Variants in GRID2 observed in about 807,000 individuals in gnomAD.
The protein encoded by GRID2 is glutamate ionotropic receptor delta type subunit 2.
GRID2 carries 33 observed loss-of-function variants against 114.8 expected under a neutral mutation model. The observed-to-expected ratio is 0.29, with a 90% confidence interval of 0.22 to 0.38. The LOEUF (loss-of-function observed/expected upper bound fraction) is 0.38, where lower values mean the gene tolerates loss of function less well. Among genes scored for constraint, GRID2 ranks in the 10% least tolerant of loss-of-function variants. The pLI is 1.00. For synonymous variants in GRID2, 505 were observed against 449.9 expected, an observed-to-expected ratio of 1.12 and a Z score of -1.55; for missense variants, 1,184 against 1,257.7, an observed-to-expected ratio of 0.94 and a Z score of 0.89.
chr4:93,402,257 A>C (rs2149340109), intron 9 of GRID2, among the ~76,000 whole-genome samples: 1 of 152,262 alleles, frequency 6.6e-6, no homozygotes. Flanking sequence ...GTATCGTACT[A>C]GTTTTTCTGC....
At chr4:92,499,507 G>T (rs774689484) in intron 1 of GRID2, among the ~76,000 whole-genome samples, 2 of 152,092 alleles carry the variant, frequency 1.3e-5, no homozygotes, top group Non-Finnish European at 2.9e-5. Context: ...TCTATATTTA[G>T]AATTATTATT....
chr4:93,707,880 T>C (rs1560929430), intron 14 of GRID2, among the ~76,000 whole-genome samples: 2 of 151,998 alleles, frequency 1.3e-5, no homozygotes. Context: ...GGTTTTGGTA[T>C]GTTTTGTTTC....
At position 92,652,599 on chromosome 4, in the gene GRID2, T is replaced by C. The variant is rs916772901; in HGVS notation, c.244+62313T>C. On this transcript the variant is annotated intron_variant, in intron 2 of 15. Transcript: ENST00000282020. ...CAGGAGGCTGAAGCAAGAGGATTGCTTGAGCCTGGAAAGTTGAGGCTGCAG... is the reference window on the plus strand; with the variant it reads ...CAGGAGGCTGAAGCAAGAGGATTGCCTGAGCCTGGAAAGTTGAGGCTGCAG... 1.9e-4 allele frequency among the ~76,000 whole-genome samples: 28 copies of C among 149,840 alleles called. 1 individual carries two copies. The highest frequency in any genetic ancestry group is 6.1e-4 in the African/African-American group (25 of 41,000).
chr4:92,645,326 C>G (rs1399813633), intron 2 of GRID2, among the ~76,000 whole-genome samples: 1 of 151,628 alleles, frequency 6.6e-6, no homozygotes, highest in Non-Finnish European at 1.5e-5. Context: ...TGCATCACTG[C>G]AATGGTGTTT....
In GRID2 at chr4:93,173,901, G is replaced by A. The variant is rs555083238; in HGVS notation, c.736-33503G>A. Among the ~76,000 whole-genome samples the A allele has an allele frequency of 2.0e-5, 3 of 152,246 alleles. No individual in the cohort carries two copies. In the East Asian group the frequency reaches 5.8e-4, roughly 29 times the overall value. Reference sequence around the variant, plus strand: ...CTGCCTTGGTGCGCTGGGATTACAAGTGTTGAGCCACTGCAACCAGCCTGG... The same window carrying A: ...CTGCCTTGGTGCGCTGGGATTACAAATGTTGAGCCACTGCAACCAGCCTGG... On this transcript the variant is annotated intron_variant, in intron 4 of 15. Transcript: ENST00000282020.
At chr4:92,861,267 G>A (rs1017421568) in intron 2 of GRID2, among the ~76,000 whole-genome samples, 3 of 152,080 alleles carry the variant, frequency 2.0e-5, no homozygotes, top group African/African-American at 7.2e-5. Context: ...GACTTTTAAA[G>A]GATGGTAATA....
intron 14 of GRID2, among the ~76,000 whole-genome samples, chr4:93,671,731 G>C (rs1012192607): frequency 6.6e-6 from 1 of 152,106 alleles, no homozygotes; most frequent in Non-Finnish European, 1.5e-5. Flanking sequence ...AACTTTGGGA[G>C]ACTGAGGTGG....
At chr4:92,468,248 A>T (rs2149093458) in intron 1 of GRID2, among the ~76,000 whole-genome samples, 1 of 152,052 alleles carries the variant, frequency 6.6e-6, no homozygotes, top group Admixed American at 6.6e-5. Context: ...TTCCATAATA[A>T]CCACCCTGAC....
At chr4:93,401,456 A>G (rs1375714739) in intron 9 of GRID2, among the ~76,000 whole-genome samples, 1 of 152,166 alleles carries the variant, frequency 6.6e-6, no homozygotes, top group Non-Finnish European at 1.5e-5. Context: ...ATAGTTGCAC[A>G]TCTTACAATA....
intron 12 of GRID2, among the ~76,000 whole-genome samples, chr4:93,513,388 T>C (rs908952787): frequency 6.6e-6 from 1 of 152,210 alleles, no homozygotes; most frequent in Non-Finnish European, 1.5e-5. Context: ...AGTAAATTGC[T>C]CTCTTGAAAC....
At chr4:92,519,052 T>C (rs1015583054) in intron 1 of GRID2, among the ~76,000 whole-genome samples, 11 of 151,990 alleles carry the variant, frequency 7.2e-5, no homozygotes, top group Non-Finnish European at 1.0e-4. Flanking sequence ...CAAACTATGA[T>C]AGTATGTCAT....
intron 2 of GRID2, among the ~76,000 whole-genome samples, chr4:93,014,627 A>G (rs1048544288): frequency 6.6e-6 from 1 of 152,168 alleles, no homozygotes; most frequent in Non-Finnish European, 1.5e-5. Context: ...AAGGAAGATA[A>G]TTTATGTAGT....
chr4:93,199,434 T>G (rs1741848489), intron 4 of GRID2, among the ~76,000 whole-genome samples: 1 of 152,156 alleles, frequency 6.6e-6, no homozygotes, highest in Non-Finnish European at 1.5e-5. Flanking sequence ...GGTAGCACAG[T>G]GTTGGCTAAG....
intron 2 of GRID2, among the ~76,000 whole-genome samples, chr4:92,838,419 T>C (rs1230205719): frequency 1.3e-5 from 2 of 152,138 alleles, no homozygotes; most frequent in African/African-American, 4.8e-5. Flanking sequence ...TAATTGATTC[T>C]GATTTTGCAA....
At chr4:92,546,214 G>A (rs1232530380) in intron 1 of GRID2, among the ~76,000 whole-genome samples, 1 of 152,136 alleles carries the variant, frequency 6.6e-6, no homozygotes, top group Non-Finnish European at 1.5e-5. Context: ...ATATATTTAT[G>A]TGTGTGATCA....
intron 2 of GRID2, among the ~76,000 whole-genome samples, chr4:92,628,234 C>T (rs917008018): frequency 5.9e-5 from 9 of 152,096 alleles, no homozygotes; most frequent in Non-Finnish European, 1.2e-4. Context: ...TCCATGATCA[C>T]GGAGCAGCTC....
At chr4:93,306,545 T>C (rs867884847) in intron 8 of GRID2, among the ~76,000 whole-genome samples, 1 of 152,278 alleles carries the variant, frequency 6.6e-6, no homozygotes, top group Middle Eastern at 3.4e-3. Context: ...AGATGACTTG[T>C]GTTGGTGGTA....
At chr4:93,061,886 A>C (rs1727843103) in intron 2 of GRID2, among the ~76,000 whole-genome samples, 1 of 152,110 alleles carries the variant, frequency 6.6e-6, no homozygotes, top group Non-Finnish European at 1.5e-5. Context: ...GCTTTCGAGG[A>C]ATCCGTAAAT....
At chr4:92,875,730 A>G (rs1745582025) in intron 2 of GRID2, among the ~76,000 whole-genome samples, 1 of 152,226 alleles carries the variant, frequency 6.6e-6, no homozygotes, top group Non-Finnish European at 1.5e-5. Flanking sequence ...ACTGAGATCC[A>G]GAGAAATAAA....
Sources: gnomAD v4.1 joint callset for allele counts (sites outside exome capture counted in the v4.1 genomes callset) on GRCh38, gnomAD v4.1.1 for gene constraint, MANE v1.5 for transcripts, NCBI Gene and HGNC (gene_info 2026-07-23, HGNC 2026-07-21) for gene names.